GANC: variants seen among roughly 807,000 people sequenced by gnomAD.
GANC encodes the protein glucosidase alpha, neutral C.
GANC carries 117 observed loss-of-function variants against 124.2 expected under a neutral mutation model. That is an observed-to-expected ratio of 0.94 (90% CI 0.81 to 1.10). The LOEUF (loss-of-function observed/expected upper bound fraction) is 1.10, where lower values mean the gene tolerates loss of function less well. GANC is among the 50% of genes least tolerant of loss of function. GANC has a pLI of 0.00. For missense variants in GANC, 1,140 were observed against 1,095.0 expected (o/e 1.04, Z -0.58); for synonymous variants, 377 against 376.8 (o/e 1.00, Z -0.01).
At chr15:42,315,872 C>A in intron 10 of GANC, among the ~76,000 whole-genome samples, 1 of 152,074 alleles carries the variant, frequency 6.6e-6, no homozygotes, top group Non-Finnish European at 1.5e-5. Context: ...GCAACATCAA[C>A]TCCTCCCTGG....
In GANC at chr15:42,345,738, T is replaced by C. The variant is rs1228770238; in HGVS notation, c.2230-20T>C. 15 of 1,541,822 alleles carry C rather than the reference T, an allele frequency of 9.7e-6. No homozygotes were observed. The highest frequency in any genetic ancestry group is 3.5e-5 in the Admixed American group (2 of 57,604). The stretch of plus-strand genomic sequence containing the variant: ...GAGTTGCTTATGTACTCTTTTTTAC[T>C]GGACTCTGTTACTTTCTAGGTCTGG... On this transcript the variant is annotated intron_variant, in intron 19 of 23. Transcript: ENST00000318010.
intron 20 of GANC, among the ~76,000 whole-genome samples, chr15:42,346,710 G>A (rs566542762): frequency 6.6e-6 from 1 of 152,196 alleles, no homozygotes; most frequent in East Asian, 1.9e-4. Flanking sequence ...CATTCTACAG[G>A]ATTAAGGCAA....
chr15:42,314,033 G>A, intron 10 of GANC: 1 of 700,088 alleles, frequency 1.4e-6, no homozygotes, highest in Non-Finnish European at 2.6e-6. Flanking sequence ...AAATGAATTT[G>A]GACAGAGTAG....
At chr15:42,306,964 T>C (rs6493041) in intron 7 of GANC, among the ~76,000 whole-genome samples, 145,663 of 152,206 alleles carry the variant, frequency 0.96, 69,954 homozygotes, top group Non-Finnish European at 1. Context: ...AGAGCCACTC[T>C]GTTGCAACAT....
At chr15:42,308,140 T>G (rs2052015544) in intron 7 of GANC, 82 bp from the exon 8 acceptor site, 17 of 819,510 alleles carry the variant, frequency 2.1e-5, no homozygotes, top group Middle Eastern at 2.4e-4. Flanking sequence ...AGTCTAGTCA[T>G]CTCTCTGCAC....
chr15:42,285,680 A>G (rs1595763706), intron 3 of GANC, among the ~76,000 whole-genome samples: 1 of 152,176 alleles, frequency 6.6e-6, no homozygotes, highest in Admixed American at 6.5e-5. Context: ...CTGTAATTCC[A>G]GCTACTCAGG....
rs758511273 is a variant in GANC, at chr15:42,327,357, C to G, written c.1421-6C>G. ...TGACAGGCTATCTACTGTTCTGCCT[C>G]CACAGGTCTCTCCTCTTACCTGGAT... is the stretch of plus-strand genomic sequence containing the variant. On this transcript the variant is annotated splice_polypyrimidine_tract_variant and splice_region_variant and intron_variant, in intron 12 of 23. Coordinates refer to ENST00000318010, the MANE Select transcript of GANC (RefSeq NM_198141.3). 6.2e-7 allele frequency: 1 copy of G among 1,609,930 alleles called. No homozygotes were observed. The highest frequency in any genetic ancestry group is 1.3e-5 in the African/African-American group (1 of 74,762).
Position 42,273,522 on chromosome 15 carries a change from T to G in GANC, c.-960T>G. ...TGGAAACGTCGCGGAGCTTGTTTGC[T>G]GTGCGGCGTAGCGGCCCCTCTCTCA... On this transcript the variant is annotated 5_prime_UTR_variant, in exon 1 of 24. Coordinates refer to ENST00000318010, the MANE Select transcript of GANC (RefSeq NM_198141.3). 6.8e-7 allele frequency: 1 copy of G among 1,478,496 alleles called. No homozygotes were observed. The highest frequency in any genetic ancestry group is 9.0e-7 in the Non-Finnish European group (1 of 1,111,136). The allele number at this position is 1,478,496 out of a possible 1,614,324, so 91.6% of individuals were successfully genotyped here.
chr15:42,311,188 A>G (rs2141045901), intron 10 of GANC, among the ~76,000 whole-genome samples: 1 of 152,346 alleles, frequency 6.6e-6, no homozygotes, highest in East Asian at 1.9e-4. Flanking sequence ...TGGCTTTAGC[A>G]TTAGAGCATT....
intron 6 of GANC, among the ~76,000 whole-genome samples, chr15:42,305,777 G>A (rs999233043): frequency 2.6e-5 from 4 of 152,146 alleles, no homozygotes; most frequent in African/African-American, 9.7e-5. Flanking sequence ...AAAAGAATGA[G>A]TTCATGTCCT....
At chr15:42,314,324 T>C in intron 10 of GANC, 1 of 581,344 alleles carries the variant, frequency 1.7e-6, no homozygotes, top group Non-Finnish European at 3.1e-6. Flanking sequence ...TGCTGTCTCA[T>C]CTGGTGGCCA....
At chr15:42,274,593 CG>C (rs2051637487) in intron 1 of GANC, 83 bp downstream of exon 1, 19 of 1,329,848 alleles carry the variant, frequency 1.4e-5, no homozygotes, top group Non-Finnish European at 1.8e-5. Flanking sequence ...TTCTTATTTG[CG>C]TATTTGGTAT....
rs1235015055 is a variant in GANC at position 42,313,683 on chromosome 15, G to C, written c.1057+2837G>C. 1.8e-4 allele frequency: 33 copies of C among 188,492 alleles called. 1 individual carries two copies. The highest frequency in any genetic ancestry group is 3.5e-4 in the Non-Finnish European group (32 of 91,272). 11.7% of individuals were successfully genotyped at this position (188,492 alleles called of 1,614,324 possible). ...TATCACAGAGCAGGGACCCCAGGCTGTAGGGAAAGAGCTTGCAGGGCTCCT... is the reference window on the plus strand; with the variant it reads ...TATCACAGAGCAGGGACCCCAGGCTCTAGGGAAAGAGCTTGCAGGGCTCCT... On this transcript the variant is annotated intron_variant, in intron 10 of 23. Coordinates refer to ENST00000318010, the MANE Select transcript of GANC (RefSeq NM_198141.3).
At chr15:42,333,635 G>T (rs780039597) in intron 15 of GANC, among the ~76,000 whole-genome samples, 11 of 152,126 alleles carry the variant, frequency 7.2e-5, no homozygotes, top group Non-Finnish European at 5.9e-5. Context: ...GGTAGATTAT[G>T]CATCCATTGC....
intron 3 of GANC, among the ~76,000 whole-genome samples, chr15:42,285,269 G>A (rs953738237): frequency 5.3e-5 from 8 of 152,160 alleles, no homozygotes; most frequent in African/African-American, 1.4e-4. Flanking sequence ...CTAAGGTTTC[G>A]ACAGAGGTGA....
intron 15 of GANC, among the ~76,000 whole-genome samples, chr15:42,337,163 G>C (rs1045945006): frequency 6.6e-6 from 1 of 152,160 alleles, no homozygotes; most frequent in Non-Finnish European, 1.5e-5. Flanking sequence ...AAATCATTCT[G>C]TCATAAAGAC....
chr15:42,346,288 C>T (rs1020283964), intron 20 of GANC, among the ~76,000 whole-genome samples: 1 of 152,120 alleles, frequency 6.6e-6, no homozygotes, highest in Non-Finnish European at 1.5e-5. Context: ...TGCTAGTGTT[C>T]TGCACAATAG....
rs1372058949 is a variant in GANC at position 42,277,012 on chromosome 15, C to A, written c.92+602C>A. Among the ~76,000 whole-genome samples the A allele has an allele frequency of 2.0e-5, 3 of 152,124 alleles. No homozygotes were observed. In the East Asian group the frequency reaches 5.8e-4, roughly 29 times the overall value. ...TATTAATATAATTTATTCAGTCTGT[C>A]TCTTATTGCTAGACCCTTGGGTTGT... On this transcript the variant is annotated intron_variant, in intron 2 of 23. Transcript: ENST00000318010.
chr15:42,290,631 G>C (rs118190277), intron 4 of GANC, among the ~76,000 whole-genome samples: 2 of 152,144 alleles, frequency 1.3e-5, no homozygotes, highest in Non-Finnish European at 2.9e-5. Context: ...AACAAAGTAA[G>C]ACTGCATCTC....
Sources: allele counts gnomAD v4.1 joint callset (sites outside exome capture counted in the v4.1 genomes callset), GRCh38; gene constraint gnomAD v4.1.1; transcripts MANE v1.5; gene names NCBI Gene and HGNC (gene_info 2026-07-23, HGNC 2026-07-21).